ZEB2: variants seen among roughly 807,000 people sequenced by gnomAD.
ZEB2 encodes zinc finger E-box binding homeobox 2.
Under a neutral mutation model 99.9 loss-of-function variants are expected in ZEB2, and 6 were observed. The observed-to-expected ratio is 0.06, with a 90% CI of 0.03 to 0.12. The LOEUF (loss-of-function observed/expected upper bound fraction) is 0.12. Among genes scored for constraint, ZEB2 ranks in the 10% least tolerant of loss-of-function variants. The pLI, the probability that ZEB2 is intolerant of heterozygous loss-of-function variation, is 1.00. For synonymous variants in ZEB2, 517 were observed against 542.5 expected (o/e 0.95, Z 0.65); for missense variants, 969 against 1,502.8 (o/e 0.64, Z 5.87).
Position 144,386,461 on chromosome 2 carries a change from G to C in ZEB2, c.*2990C>G, listed in dbSNP as rs953413895. ...CACAAGTGTTATCCTGATATTTTCA[G>C]ACTCAGGTATTCTGAGCCTGCCTAT... On this transcript the variant is annotated 3_prime_UTR_variant, in exon 10 of 10. Coordinates refer to ENST00000627532, the MANE Select transcript of ZEB2 (RefSeq NM_014795.4). The C allele has an allele frequency of 1.3e-5, 2 of 152,228 alleles. No individual in the cohort carries two copies. The highest frequency in any genetic ancestry group is 3.9e-4 in the East Asian group (2 of 5,174). The allele number at this position is 152,228 out of a possible 1,614,324, so 9.4% of individuals were successfully genotyped here.
At chr2:144,472,404 T>C (rs527953690) in intron 2 of ZEB2, among the ~76,000 whole-genome samples, 16 of 152,114 alleles carry the variant, frequency 1.1e-4, no homozygotes, top group Non-Finnish European at 1.9e-4. Context: ...AAAATTTACA[T>C]GCAAGGATAA....
At chr2:144,475,000 T>C (rs1704411240) in intron 2 of ZEB2, among the ~76,000 whole-genome samples, 1 of 152,200 alleles carries the variant, frequency 6.6e-6, no homozygotes, top group East Asian at 1.9e-4. Flanking sequence ...ATGCACAAAT[T>C]TGAATGTTTA....
intron 4 of ZEB2, among the ~76,000 whole-genome samples, chr2:144,420,752 G>T (rs1352826378): frequency 6.6e-6 from 1 of 152,080 alleles, no homozygotes; most frequent in Non-Finnish European, 1.5e-5. Context: ...GAAAGGAGCT[G>T]GGGGATTAGG....
chr2:144,401,404 C>T lies in ZEB2; in HGVS notation c.808-97G>A, dbSNP rs1573718822. The T allele has an allele frequency of 7.5e-6, 9 of 1,202,748 alleles. No homozygotes were observed. In the East Asian group the frequency reaches 2.1e-4, roughly 28 times the overall value. 74.5% of individuals were successfully genotyped at this position (1,202,748 alleles called of 1,614,324 possible). A position where few individuals can be genotyped will look rare whatever the true frequency, so the allele number is the denominator to read the frequency against. ...AAAGGCCTCTGTTTTTCAGACAGGC[C>T]AAAAGGTTTGAGTGCATGCTTATTT... On this transcript the variant is annotated intron_variant, in intron 6 of 9. Coordinates refer to ENST00000627532, the MANE Select transcript of ZEB2 (RefSeq NM_014795.4).
At chr2:144,405,976 A>G (rs569336818) in intron 4 of ZEB2, among the ~76,000 whole-genome samples, 1 of 152,318 alleles carries the variant, frequency 6.6e-6, no homozygotes, top group South Asian at 2.1e-4. Flanking sequence ...CTTTATCCTA[A>G]GTAGGTGAAA....
intron 3 of ZEB2, chr2:144,426,894 C>T (rs1703696940): frequency 6.6e-6 from 1 of 152,042 alleles, no homozygotes; most frequent in Admixed American, 6.6e-5. Flanking sequence ...ATGTATATGC[C>T]TATTTAATTA....
rs730881176 is a variant in ZEB2 at position 144,399,307 on chromosome 2, A to T, written c.1880T>A (p.Val627Asp). 6.2e-7 allele frequency: 1 copy of T among 1,613,448 alleles called. No homozygotes were observed. Among genetic ancestry groups the T allele is most frequent in the African/African-American group, 1.3e-5 (1 of 74,682 alleles). Residue 627 changes from valine (V) to aspartate (D), a missense_variant, in exon 8 of 10, where the codon GTT becomes GAT. By Grantham distance (152) the Val-to-Asp change is radical (BLOSUM62 -3). Coordinates refer to ENST00000627532, the MANE Select transcript of ZEB2 (RefSeq NM_014795.4). The surrounding 1 kb of genome is among the most constrained non-coding windows in gnomAD (Gnocchi z 5.6). ...HENIVPNKAG[V>D]FVDNKALLLS... ...GAGGAGGGCTTTATTATCAACAAAAACTCCGGCTTTGTTGGGGACTATGTT... is the reference window on the plus strand; with the variant it reads ...GAGGAGGGCTTTATTATCAACAAAATCTCCGGCTTTGTTGGGGACTATGTT...
chr2:144,457,000 A>G (rs1330141287), intron 2 of ZEB2, among the ~76,000 whole-genome samples: 2 of 152,158 alleles, frequency 1.3e-5, no homozygotes, highest in Non-Finnish European at 2.9e-5. Context: ...TCCTGGCCAG[A>G]GCAGCACCCC....
chr2:144,436,045 C>T (rs1023483017), intron 2 of ZEB2, among the ~76,000 whole-genome samples: 4 of 151,700 alleles, frequency 2.6e-5, no homozygotes, highest in Admixed American at 6.6e-5. Context: ...GTGACAAATA[C>T]GTATTACAAG....
chr2:144,455,234 G>A (rs1439696592), intron 2 of ZEB2: 2 of 152,150 alleles, frequency 1.3e-5, no homozygotes, highest in African/African-American at 4.8e-5. Context: ...CTAACAACAA[G>A]CAGCCTGCTC....
intron 9 of ZEB2, among the ~76,000 whole-genome samples, chr2:144,392,750 G>A (rs1703169174): frequency 6.6e-6 from 1 of 152,148 alleles, no homozygotes; most frequent in South Asian, 2.1e-4. Flanking sequence ...AAATCAAGAT[G>A]TCCTAGAATT....
intron 2 of ZEB2, among the ~76,000 whole-genome samples, chr2:144,478,060 G>A (rs1035354346): frequency 6.6e-6 from 1 of 152,138 alleles, no homozygotes; most frequent in South Asian, 2.1e-4. Context: ...CCCAGCCAGG[G>A]TTTCCCACCT....
chr2:144,496,007 C>G (rs935100998), intron 2 of ZEB2: 9 of 152,248 alleles, frequency 5.9e-5, no homozygotes, highest in African/African-American at 2.2e-4. Flanking sequence ...CACAGCCAAA[C>G]AGAAAACACA....
At chr2:144,494,015 G>A (rs1286250337) in intron 2 of ZEB2, among the ~76,000 whole-genome samples, 2 of 151,914 alleles carry the variant, frequency 1.3e-5, no homozygotes, top group African/African-American at 2.4e-5. Flanking sequence ...AGCCGGGCGT[G>A]GTTGCAGGCA....
chr2:144,422,405 T>A (rs1272812843), intron 4 of ZEB2, among the ~76,000 whole-genome samples: 1 of 152,154 alleles, frequency 6.6e-6, no homozygotes, highest in Non-Finnish European at 1.5e-5. Context: ...CCTTCCTCAC[T>A]CCTCCATGAC....
intron 2 of ZEB2, among the ~76,000 whole-genome samples, chr2:144,484,704 C>A (rs1214812094): frequency 6.6e-6 from 1 of 152,166 alleles, no homozygotes; most frequent in Admixed American, 6.5e-5. Flanking sequence ...ACTGACTCTT[C>A]CCTCTCATCA....
intron 3 of ZEB2, chr2:144,427,536 T>TA (rs1703705571): frequency 1.3e-5 from 2 of 152,216 alleles, no homozygotes; most frequent in Non-Finnish European, 2.9e-5. Context: ...TTGTCTATAT[T>TA]GTGTGTTTTG....
At position 144,389,090 on chromosome 2, in the gene ZEB2, T is replaced by C. The variant is rs1703119828; in HGVS notation, c.*361A>G. On this transcript the variant is annotated 3_prime_UTR_variant, in exon 10 of 10. Transcript: ENST00000627532. This position sits in a 1 kb window ranked among gnomAD's most constrained non-coding sequence, Gnocchi z 6.8. Reference sequence around the variant, plus strand: ...TGGTAGTGCGGGCACCTTTTTAAAATGTATTAATATAAATTAGACATAGTT... The same window carrying C: ...TGGTAGTGCGGGCACCTTTTTAAAACGTATTAATATAAATTAGACATAGTT... The C allele has an allele frequency of 2.0e-6, 1 of 511,134 alleles. No individual in the cohort carries two copies. The highest frequency in any genetic ancestry group is 3.4e-6 in the Non-Finnish European group (1 of 292,286). 31.7% of individuals were successfully genotyped at this position (511,134 alleles called of 1,614,324 possible). A position where few individuals can be genotyped will look rare whatever the true frequency, so the allele number is the denominator to read the frequency against.
intron 2 of ZEB2, chr2:144,516,156 C>T (rs924605941): frequency 7.9e-5 from 12 of 152,168 alleles, no homozygotes; most frequent in Middle Eastern, 3.4e-3. Context: ...GGCGCTCGTT[C>T]GCTTGTTTGT....
Sources: gnomAD v4.1 joint callset for allele counts (sites outside exome capture counted in the v4.1 genomes callset) on GRCh38, gnomAD v4.1.1 for gene constraint, Gnocchi (gnomAD v3.1) non-coding constraint, MANE v1.5 for transcripts, NCBI Gene and HGNC (gene_info 2026-07-23, HGNC 2026-07-21) for gene names.